Variants in C1orf21 observed in about 807,000 individuals in gnomAD.
C1orf21 encodes chromosome 1 open reading frame 21.
In C1orf21, 3 loss-of-function variants were observed where a neutral mutation model predicts 18.7. The observed-to-expected ratio is 0.16, with a 90% confidence interval of 0.07 to 0.42. The LOEUF is 0.42. Among genes scored for constraint, C1orf21 ranks in the 10% least tolerant of loss-of-function variants. The pLI is 0.99. For missense variants in C1orf21, 104 were observed against 143.6 expected (o/e 0.72, Z 1.41); for synonymous variants, 41 against 46.4 (o/e 0.88, Z 0.47).
chr1:184,482,253 G>A lies in C1orf21; in HGVS notation c.94+4650G>A, dbSNP rs372480132. 9.5e-4 allele frequency among the ~76,000 whole-genome samples: 145 copies of A among 152,250 alleles called. 1 individual carries two copies. Among genetic ancestry groups the A allele is most frequent in the African/African-American group, 3.4e-3 (141 of 41,554 alleles). On this transcript the variant is annotated intron_variant, in intron 2 of 5. Transcript: ENST00000235307. ...ATGGATTTGGGCTTCTGTCCACAAGGCCACTCTTTCCAGCTGGGTAGCCAA... is the reference window on the plus strand; with the variant it reads ...ATGGATTTGGGCTTCTGTCCACAAGACCACTCTTTCCAGCTGGGTAGCCAA...
intron 4 of C1orf21, 22 bp downstream of exon 4, chr1:184,590,837 C>G (rs957600345): frequency 6.3e-7 from 1 of 1,595,438 alleles, no homozygotes; most frequent in African/African-American, 1.3e-5. Flanking sequence ...TTTCTGTTTT[C>G]CTTATATAGT....
intron 3 of C1orf21, among the ~76,000 whole-genome samples, chr1:184,571,161 G>T (rs998239150): frequency 2.0e-5 from 3 of 151,182 alleles, no homozygotes; most frequent in African/African-American, 7.3e-5. Context: ...GCCGGGCGTA[G>T]TGGCGGGCGC....
intron 1 of C1orf21, among the ~76,000 whole-genome samples, chr1:184,471,212 T>G (rs1657491400): frequency 6.6e-6 from 1 of 152,140 alleles, no homozygotes; most frequent in South Asian, 2.1e-4. Context: ...CTGTTAAAAT[T>G]AATTTCATTC....
chr1:184,508,505 C>G (rs929838498), intron 3 of C1orf21, among the ~76,000 whole-genome samples: 1 of 151,982 alleles, frequency 6.6e-6, no homozygotes, highest in Non-Finnish European at 1.5e-5. Flanking sequence ...GACTTAAACT[C>G]GTTTTTTTAT....
chr1:184,497,996 A>C (rs1366717885), intron 2 of C1orf21, among the ~76,000 whole-genome samples: 4 of 152,124 alleles, frequency 2.6e-5, no homozygotes, highest in Non-Finnish European at 2.9e-5. Flanking sequence ...CATCTTCTGC[A>C]AAACTTTCCC....
At chr1:184,443,002 A>G (rs1449823006) in intron 1 of C1orf21, among the ~76,000 whole-genome samples, 4 of 152,178 alleles carry the variant, frequency 2.6e-5, no homozygotes, top group African/African-American at 7.2e-5. Context: ...CCAACTTTAT[A>G]TGAAGCATTA....
chr1:184,457,623 T>C (rs1657240815), intron 1 of C1orf21, among the ~76,000 whole-genome samples: 1 of 152,176 alleles, frequency 6.6e-6, no homozygotes, highest in Non-Finnish European at 1.5e-5. Context: ...TCCAGACTAT[T>C]CTGGGCTTTT....
At chr1:184,555,889 C>G (rs560317969) in intron 3 of C1orf21, among the ~76,000 whole-genome samples, 18 of 152,194 alleles carry the variant, frequency 1.2e-4, no homozygotes, top group Non-Finnish European at 2.4e-4. Context: ...CACTGGCCCT[C>G]CAGGCCATCT....
intron 1 of C1orf21, among the ~76,000 whole-genome samples, chr1:184,476,557 A>T (rs1657573866): frequency 6.6e-6 from 1 of 152,218 alleles, no homozygotes; most frequent in Non-Finnish European, 1.5e-5. Context: ...TGGATGGGGC[A>T]GGGAAAGGTA....
rs1276260825 is a variant in C1orf21, at chr1:184,621,961, G to C, written c.*2405G>C. 3 of 152,212 alleles carry C rather than the reference G, an allele frequency of 2.0e-5. No homozygotes were observed. The highest frequency in any genetic ancestry group is 4.8e-5 in the African/African-American group (2 of 41,460). 9.4% of individuals were successfully genotyped at this position (152,212 alleles called of 1,614,324 possible). A position where few individuals can be genotyped will look rare whatever the true frequency, so the allele number is the denominator to read the frequency against. On this transcript the variant is annotated 3_prime_UTR_variant, in exon 6 of 6. Coordinates refer to ENST00000235307, the MANE Select transcript of C1orf21 (RefSeq NM_030806.4). ...TTGAGTGGGTCCGCACGAAATGCTTGATTATGTCAGCAACACCCAACACTG... is the reference window on the plus strand; with the variant it reads ...TTGAGTGGGTCCGCACGAAATGCTTCATTATGTCAGCAACACCCAACACTG...
chr1:184,418,871 T>C (rs1169826045), intron 1 of C1orf21, among the ~76,000 whole-genome samples: 3 of 152,192 alleles, frequency 2.0e-5, no homozygotes, highest in Non-Finnish European at 1.5e-5. Flanking sequence ...ATTCTACTAC[T>C]GTTGGTTTGG....
chr1:184,598,332 T>C, intron 4 of C1orf21, 69 bp from the exon 5 acceptor site: 2 of 1,473,760 alleles, frequency 1.4e-6, no homozygotes, highest in Non-Finnish European at 1.9e-6. Context: ...GGACTCTGCA[T>C]TTTTCCTTTG....
At chr1:184,467,652 T>C (rs1167962895) in intron 1 of C1orf21, among the ~76,000 whole-genome samples, 3 of 152,222 alleles carry the variant, frequency 2.0e-5, no homozygotes, top group Non-Finnish European at 2.9e-5. Flanking sequence ...AATTAACCTC[T>C]CATCTGTCTT....
intron 4 of C1orf21, among the ~76,000 whole-genome samples, chr1:184,597,641 G>A (rs995599219): frequency 4.6e-5 from 7 of 152,072 alleles, no homozygotes; most frequent in Admixed American, 1.3e-4. Flanking sequence ...AGAAGCAACC[G>A]TCATTAAGAC....
chr1:184,530,593 CTTTTTTCTTTTTTT>C (rs1658445824), intron 3 of C1orf21, among the ~76,000 whole-genome samples: 1 of 126,840 alleles, frequency 7.9e-6, no homozygotes, highest in Admixed American at 7.9e-5. Flanking sequence ...TCTCTTTTTT[CTTTTTTCTTTTTTT>C]TTTTTTTTTT....
intron 3 of C1orf21, among the ~76,000 whole-genome samples, chr1:184,558,659 T>C (rs768801597): frequency 2.6e-5 from 4 of 152,266 alleles, no homozygotes; most frequent in Non-Finnish European, 4.4e-5. Context: ...ACCTTGATTG[T>C]TGGCCATCTG....
intron 3 of C1orf21, among the ~76,000 whole-genome samples, chr1:184,584,974 T>G (rs1659331899): frequency 6.6e-6 from 1 of 152,228 alleles, no homozygotes; most frequent in African/African-American, 2.4e-5. Flanking sequence ...GGCACTATGT[T>G]GAAACTGGAT....
intron 3 of C1orf21, among the ~76,000 whole-genome samples, chr1:184,571,101 G>A (rs564292078): frequency 2.0e-5 from 3 of 151,934 alleles, no homozygotes; most frequent in Non-Finnish European, 2.9e-5. Flanking sequence ...AGACCATCCC[G>A]GCTAAAACGG....
At chr1:184,596,627 T>G (rs1051042448) in intron 4 of C1orf21, among the ~76,000 whole-genome samples, 1 of 152,120 alleles carries the variant, frequency 6.6e-6, no homozygotes, top group Non-Finnish European at 1.5e-5. Context: ...CCAAGCACTT[T>G]AGGAGGCCGA....
Sources: gnomAD v4.1 joint callset for allele counts (sites outside exome capture counted in the v4.1 genomes callset) on GRCh38, gnomAD v4.1.1 for gene constraint, MANE v1.5 for transcripts, NCBI Gene and HGNC (gene_info 2026-07-23, HGNC 2026-07-21) for gene names.